The following TAS2R1 variants were observed in gnomAD, a reference collection of about 807,000 sequenced individuals.
TAS2R1 encodes taste receptor type 2 member 1.
For synonymous variants in TAS2R1, 141 were observed against 134.2 expected, an observed-to-expected ratio of 1.05 and a Z score of -0.35; for missense variants, 370 against 353.4, an observed-to-expected ratio of 1.05 and a Z score of -0.38.
the TAS2R1 span, among the ~76,000 whole-genome samples, chr5:9,802,043 G>T: frequency 6.6e-6 from 1 of 152,136 alleles, no homozygotes; most frequent in African/African-American, 2.4e-5. Flanking sequence ...GCATCCCTAG[G>T]GCAAGCTTGC....
the TAS2R1 span, among the ~76,000 whole-genome samples, chr5:9,728,248 A>G: frequency 6.6e-6 from 1 of 152,270 alleles, no homozygotes; most frequent in Non-Finnish European, 1.5e-5. Context: ...TATCTACATT[A>G]TCTACAAATA....
At chr5:9,848,800 C>T in the TAS2R1 span, among the ~76,000 whole-genome samples, 1 of 152,102 alleles carries the variant, frequency 6.6e-6, no homozygotes, top group Non-Finnish European at 1.5e-5. Context: ...AAATTCATTA[C>T]AACATAGTCA....
intron 2 of TAS2R1, among the ~76,000 whole-genome samples, chr5:9,646,383 T>C (rs1189610559): frequency 2.6e-5 from 4 of 152,158 alleles, no homozygotes; most frequent in Non-Finnish European, 4.4e-5. Context: ...TGACTGGCTA[T>C]ACTTTGTTCA....
chr5:9,639,429 G>A (rs1740029843), intron 2 of TAS2R1, among the ~76,000 whole-genome samples: 1 of 152,176 alleles, frequency 6.6e-6, no homozygotes, highest in African/African-American at 2.4e-5. Context: ...TCAAAGGTAG[G>A]TTTTCCTCCT....
the TAS2R1 span, among the ~76,000 whole-genome samples, chr5:9,883,543 C>A: frequency 6.6e-6 from 1 of 151,938 alleles, no homozygotes. Context: ...AGTTTGAGCA[C>A]CTGAGGAATA....
the TAS2R1 span, among the ~76,000 whole-genome samples, chr5:9,845,893 A>C: frequency 6.6e-6 from 1 of 152,242 alleles, no homozygotes; most frequent in African/African-American, 2.4e-5. Context: ...ACAGTCCAAA[A>C]CAGAAACAAA....
At chr5:9,847,321 TA>T in the TAS2R1 span, among the ~76,000 whole-genome samples, 1 of 152,218 alleles carries the variant, frequency 6.6e-6, no homozygotes, top group Non-Finnish European at 1.5e-5. Flanking sequence ...GATCCTTTTT[TA>T]AAAAAGTTCT....
the TAS2R1 span, among the ~76,000 whole-genome samples, chr5:9,903,209 C>T: frequency 5.3e-5 from 8 of 151,958 alleles, no homozygotes; most frequent in South Asian, 1.7e-3. Context: ...ACACATTAAC[C>T]ATCCCCACCT....
chr5:9,748,578 G>C, the TAS2R1 span, among the ~76,000 whole-genome samples: 1 of 152,124 alleles, frequency 6.6e-6, no homozygotes, highest in Non-Finnish European at 1.5e-5. Context: ...AGGGGAGCTG[G>C]TGTGTGCAGA....
At chr5:9,718,122 G>T in the TAS2R1 span, among the ~76,000 whole-genome samples, 2 of 148,898 alleles carry the variant, frequency 1.3e-5, no homozygotes, top group South Asian at 4.2e-4. Flanking sequence ...ACCATGCCCA[G>T]CAATTTTTTT....
chr5:9,881,325 A>G, the TAS2R1 span, among the ~76,000 whole-genome samples: 1 of 152,184 alleles, frequency 6.6e-6, no homozygotes, highest in Non-Finnish European at 1.5e-5. Flanking sequence ...GACCTCTTCA[A>G]GAACTACAAA....
intron 1 of TAS2R1, among the ~76,000 whole-genome samples, chr5:9,681,414 C>T (rs1166629869): frequency 6.6e-6 from 1 of 150,898 alleles, no homozygotes; most frequent in Non-Finnish European, 1.5e-5. Context: ...TTAATGTTTC[C>T]TATTACTTGC....
chr5:9,770,739 A>G, the TAS2R1 span, among the ~76,000 whole-genome samples: 3 of 151,982 alleles, frequency 2.0e-5, no homozygotes, highest in Admixed American at 6.6e-5. Context: ...TCATTTTTGT[A>G]TGTTACTTTT....
chr5:9,659,019 G>C (rs910801175), intron 2 of TAS2R1, among the ~76,000 whole-genome samples: 1 of 152,182 alleles, frequency 6.6e-6, no homozygotes, highest in African/African-American at 2.4e-5. Flanking sequence ...GTATTGTCAT[G>C]CCTGTAAATT....
the TAS2R1 span, among the ~76,000 whole-genome samples, chr5:9,899,760 C>G: frequency 3.3e-5 from 5 of 152,036 alleles, no homozygotes; most frequent in South Asian, 1.0e-3. Flanking sequence ...CTTTTTTTCT[C>G]CCTGCTTAAT....
chr5:9,736,322 G>A, the TAS2R1 span, among the ~76,000 whole-genome samples: 2 of 152,212 alleles, frequency 1.3e-5, no homozygotes, highest in African/African-American at 2.4e-5. Context: ...GCAGGACAGC[G>A]TCCCAGCCTT....
chr5:9,762,897 T>G, the TAS2R1 span, among the ~76,000 whole-genome samples: 18 of 152,158 alleles, frequency 1.2e-4, no homozygotes, highest in Non-Finnish European at 2.5e-4. Context: ...TTTGGAAAAT[T>G]CCTATCAAAA....
chr5:9,885,726 G>A, the TAS2R1 span, among the ~76,000 whole-genome samples: 5 of 152,112 alleles, frequency 3.3e-5, no homozygotes, highest in East Asian at 1.9e-4. Context: ...GGTGAACAAC[G>A]GCCACTGAGT....
intron 1 of TAS2R1, among the ~76,000 whole-genome samples, chr5:9,695,607 G>A (rs1481522470): frequency 6.6e-6 from 1 of 152,148 alleles, no homozygotes; most frequent in Non-Finnish European, 1.5e-5. Context: ...GAGTATGGCT[G>A]CATAGAGTCC....
Sources: allele counts gnomAD v4.1 joint callset (sites outside exome capture counted in the v4.1 genomes callset), GRCh38; gene constraint gnomAD v4.1.1; transcripts MANE v1.5; gene names NCBI Gene and HGNC (gene_info 2026-07-23, HGNC 2026-07-21).